SAMD12: variants seen among roughly 807,000 people sequenced by gnomAD.
The protein encoded by SAMD12 is sterile alpha motif domain containing 12.
SAMD12 carries 9 observed loss-of-function variants against 15.0 expected under a neutral mutation model. The observed-to-expected ratio is 0.60, with a 90% CI of 0.36 to 1.05. SAMD12 has a LOEUF of 1.05. Ranked by LOEUF, SAMD12 falls within the 50% of genes least tolerant of loss-of-function variation. The pLI, the probability that SAMD12 is intolerant of heterozygous loss-of-function variation, is 0.01. For synonymous variants in SAMD12, 86 were observed against 90.1 expected (o/e 0.96, Z 0.25); for missense variants, 230 against 234.2 (o/e 0.98, Z 0.12).
intron 4 of SAMD12, among the ~76,000 whole-genome samples, chr8:118,230,024 G>T (rs1812273610): frequency 6.6e-6 from 1 of 151,996 alleles, no homozygotes; most frequent in Admixed American, 6.6e-5. Context: ...AAAACTGAGG[G>T]TTACTGGCCT....
At chr8:118,565,226 G>A (rs1028063598) in intron 2 of SAMD12, among the ~76,000 whole-genome samples, 2 of 152,126 alleles carry the variant, frequency 1.3e-5, no homozygotes, top group African/African-American at 2.4e-5. Context: ...AACTGCCTAC[G>A]AAATGCATTG....
intron 4 of SAMD12, among the ~76,000 whole-genome samples, chr8:118,307,805 A>AATGCCTCAC (rs71303473): frequency 0.48 from 72,625 of 151,642 alleles, 19,892 homozygotes; most frequent in African/African-American, 0.77. Flanking sequence ...ACCTGTACAG[A>AATGCCTCAC]GGGATGCTCT....
At chr8:118,503,073 T>A (rs970562111) in intron 2 of SAMD12, among the ~76,000 whole-genome samples, 1 of 152,244 alleles carries the variant, frequency 6.6e-6, no homozygotes, top group Non-Finnish European at 1.5e-5. Context: ...CCATTTTTTA[T>A]GTTCAATGGT....
chr8:118,192,402 G>A (rs549833233), exon 5 of SAMD12: 3 of 152,226 alleles, frequency 2.0e-5, no homozygotes, highest in South Asian at 4.2e-4. Flanking sequence ...TAAACAATGT[G>A]GAAGGCAACC....
chr8:118,421,210 T>A (rs961715636), intron 3 of SAMD12, among the ~76,000 whole-genome samples: 1 of 152,186 alleles, frequency 6.6e-6, no homozygotes, highest in Non-Finnish European at 1.5e-5. Context: ...ATTTAATACA[T>A]AAATGGTGCT....
chr8:118,553,672 A>G (rs1160959014), intron 2 of SAMD12, among the ~76,000 whole-genome samples: 1 of 151,386 alleles, frequency 6.6e-6, no homozygotes, highest in African/African-American at 2.4e-5. Context: ...AAAAGCCAAA[A>G]TTGACAAATG....
intron 3 of SAMD12, among the ~76,000 whole-genome samples, chr8:118,394,399 G>A (rs1483774410): frequency 6.6e-6 from 1 of 152,174 alleles, no homozygotes; most frequent in Non-Finnish European, 1.5e-5. Context: ...GCAAGTGCTA[G>A]AGTAAAGATG....
intron 4 of SAMD12, among the ~76,000 whole-genome samples, chr8:118,217,809 C>T (rs1329182614): frequency 6.6e-6 from 1 of 152,214 alleles, no homozygotes; most frequent in African/African-American, 2.4e-5. Context: ...CATCTGCACC[C>T]TCCATAATGC....
intron 2 of SAMD12, among the ~76,000 whole-genome samples, chr8:118,533,530 G>A (rs1307695039): frequency 6.6e-6 from 1 of 152,148 alleles, no homozygotes; most frequent in Non-Finnish European, 1.5e-5. Context: ...GTCTAATGTT[G>A]ACAGTGGGGT....
At chr8:118,488,496 C>T (rs1490386771) in intron 2 of SAMD12, among the ~76,000 whole-genome samples, 2 of 152,054 alleles carry the variant, frequency 1.3e-5, no homozygotes, top group African/African-American at 4.8e-5. Flanking sequence ...TTCCATCATC[C>T]CAGAAGGTTT....
At chr8:118,472,148 G>A (rs960341107) in intron 2 of SAMD12, among the ~76,000 whole-genome samples, 2 of 152,108 alleles carry the variant, frequency 1.3e-5, no homozygotes, top group African/African-American at 2.4e-5. Flanking sequence ...TTAGCCGGGC[G>A]TGGTGGTGGG....
At chr8:118,360,444 T>C (rs1161051858) in intron 4 of SAMD12, among the ~76,000 whole-genome samples, 1 of 152,074 alleles carries the variant, frequency 6.6e-6, no homozygotes, top group East Asian at 1.9e-4. Flanking sequence ...GCCTATTTTA[T>C]GAAGTCACTG....
chr8:118,543,954 C>T (rs892494508), intron 2 of SAMD12, among the ~76,000 whole-genome samples: 5 of 152,164 alleles, frequency 3.3e-5, no homozygotes, highest in Admixed American at 3.3e-4. Flanking sequence ...CCTTTTCACC[C>T]CACCATTCTC....
Position 118,543,763 on chromosome 8 carries a change from A to G in SAMD12, c.192+36952T>C, listed in dbSNP as rs78831946. Among the ~76,000 whole-genome samples, 1,018 of 151,896 alleles carry G rather than the reference A, an allele frequency of 6.7e-3. 15 individuals are homozygous for G. The highest frequency in any genetic ancestry group is 0.023 in the African/African-American group (963 of 41,400). ...TTAGATACCCCTGTCCTTCACCAATAAAGTCTTCCTTCAGAATATATATTT... is the reference window on the plus strand; with the variant it reads ...TTAGATACCCCTGTCCTTCACCAATGAAGTCTTCCTTCAGAATATATATTT... On this transcript the variant is annotated intron_variant, in intron 2 of 3. Transcript: ENST00000314727.
intron 3 of SAMD12, among the ~76,000 whole-genome samples, chr8:118,427,742 T>C (rs1411867399): frequency 6.6e-6 from 1 of 152,234 alleles, no homozygotes; most frequent in African/African-American, 2.4e-5. Flanking sequence ...TTGAAATTAT[T>C]GGACTAGAAT....
exon 5 of SAMD12, chr8:118,197,721 C>A: frequency 6.2e-7 from 1 of 1,613,498 alleles, no homozygotes; most frequent in African/African-American, 1.3e-5. Flanking sequence ...TATGGAGAAC[C>A]CTCAGATGAT....
At position 118,446,707 on chromosome 8, in the gene SAMD12, C is replaced by T. The variant is rs186568120; in HGVS notation, c.193-6746G>A. Among the ~76,000 whole-genome samples, 10 of 152,276 alleles carry T rather than the reference C, an allele frequency of 6.6e-5. No homozygotes were observed. The East Asian group carries it at 1.9e-3, about 29-fold the overall frequency. On this transcript the variant is annotated intron_variant, in intron 2 of 3. Coordinates refer to ENST00000314727, the MANE Select transcript of SAMD12 (RefSeq NM_207506.3). ...AAGTCAGATCTTCATCATCTTTTTA[C>T]TGATTCTTGAGTTTTGCCTTTGGGT...
intron 3 of SAMD12, among the ~76,000 whole-genome samples, chr8:118,404,148 A>G (rs966763866): frequency 2.6e-5 from 4 of 152,082 alleles, no homozygotes; most frequent in Non-Finnish European, 4.4e-5. Flanking sequence ...ATGCCCAGCT[A>G]AGTTTTAAAA....
rs1825725353 is a variant in SAMD12, at chr8:118,532,734, T to G, written c.192+47981A>C. Among the ~76,000 whole-genome samples, 5 of 152,192 alleles carry G rather than the reference T, an allele frequency of 3.3e-5. 1 individual carries two copies. In the South Asian group the frequency reaches 1.0e-3, roughly 32 times the overall value. On this transcript the variant is annotated intron_variant, in intron 2 of 3. Transcript: ENST00000314727. ...TTCTAGTTCATTTGCGTAGAGGTGT[T>G]TATAGCATTCTCTGATGGTAGTTTG...
Sources: gnomAD v4.1 joint callset for allele counts (sites outside exome capture counted in the v4.1 genomes callset) on GRCh38, gnomAD v4.1.1 for gene constraint, MANE v1.5 for transcripts, NCBI Gene and HGNC (gene_info 2026-07-23, HGNC 2026-07-21) for gene names.